The following NFIA variants were observed in gnomAD, a reference collection of about 807,000 sequenced individuals.
The protein encoded by NFIA is nuclear factor I A.
A neutral mutation model predicts 62.8 loss-of-function variants in NFIA; 8 were observed. That is an observed-to-expected ratio of 0.13 (90% CI 0.07 to 0.23). The LOEUF is 0.23. Among genes scored for constraint, NFIA ranks in the 10% least tolerant of loss-of-function variants. The pLI, the probability that NFIA is intolerant of heterozygous loss-of-function variation, is 1.00. For missense variants in NFIA, 410 were observed against 642.1 expected, an observed-to-expected ratio of 0.64 and a Z score of 3.91; for synonymous variants, 235 against 238.1, an observed-to-expected ratio of 0.99 and a Z score of 0.12.
At chr1:61,311,263 T>A (rs1660096459) in intron 3 of NFIA, among the ~76,000 whole-genome samples, 1 of 151,964 alleles carries the variant, frequency 6.6e-6, no homozygotes, top group Non-Finnish European at 1.5e-5. Flanking sequence ...TGGTGGCACA[T>A]GCCTATAGTC....
At chr1:61,113,773 G>T (rs1646749521) in intron 2 of NFIA, among the ~76,000 whole-genome samples, 1 of 152,054 alleles carries the variant, frequency 6.6e-6, no homozygotes, top group African/African-American at 2.4e-5. Context: ...TTGGAGAGCA[G>T]GTGAAAGGCG....
At chr1:61,084,139 C>T (rs372258707) in intron 1 of NFIA, among the ~76,000 whole-genome samples, 30 of 152,120 alleles carry the variant, frequency 2.0e-4, no homozygotes, top group African/African-American at 6.8e-4. Context: ...ATTCACCTCT[C>T]CCTTAAAAAA....
chr1:61,387,698 A>G (rs1037737353), intron 7 of NFIA, among the ~76,000 whole-genome samples: 12 of 152,162 alleles, frequency 7.9e-5, no homozygotes, highest in Admixed American at 1.3e-4. Context: ...ACATTTCACT[A>G]TCTTTGTTGT....
chr1:61,186,205 C>T (rs1651166712), intron 2 of NFIA, among the ~76,000 whole-genome samples: 1 of 152,170 alleles, frequency 6.6e-6, no homozygotes, highest in Non-Finnish European at 1.5e-5. Flanking sequence ...GAGCTGTGAG[C>T]CATCCGTCTG....
chr1:61,291,457 G>A (rs1322607847), intron 3 of NFIA, among the ~76,000 whole-genome samples: 1 of 152,060 alleles, frequency 6.6e-6, no homozygotes, highest in Non-Finnish European at 1.5e-5. Flanking sequence ...TTTTTTCTGT[G>A]CATTCATAAG....
chr1:61,290,795 T>C (rs530168810), intron 3 of NFIA, among the ~76,000 whole-genome samples: 163 of 152,312 alleles, frequency 1.1e-3, no homozygotes, highest in Non-Finnish European at 1.8e-3. Context: ...CAACTGGTGG[T>C]CCTTGAAGGG....
chr1:61,285,106 G>A lies in NFIA; in HGVS notation c.625+7521G>A, dbSNP rs547916814. Among the ~76,000 whole-genome samples, 11 of 152,294 alleles carry A rather than the reference G, an allele frequency of 7.2e-5. No homozygotes were observed. The South Asian group carries it at 2.3e-3, about 32-fold the overall frequency. ...GGAGCCGTCATCAAATCACAGTGCG[G>A]TAGAAGGTGCACCTGGTGTTTGGCT... On this transcript the variant is annotated intron_variant, in intron 3 of 10. Coordinates refer to ENST00000403491, the MANE Select transcript of NFIA (RefSeq NM_001134673.4).
intron 4 of NFIA, among the ~76,000 whole-genome samples, chr1:61,341,060 C>CTTT (rs35203949): frequency 0.014 from 1,499 of 108,744 alleles, 64 homozygotes; most frequent in African/African-American, 0.048. Flanking sequence ...TACCGGCATT[C>CTTT]TTTTTTTTTT....
chr1:61,429,545 G>A (rs1033391256), intron 10 of NFIA, among the ~76,000 whole-genome samples: 2 of 152,186 alleles, frequency 1.3e-5, no homozygotes, highest in African/African-American at 4.8e-5. Flanking sequence ...CCCTAAGACT[G>A]CATTAAAATA....
intron 2 of NFIA, among the ~76,000 whole-genome samples, chr1:61,229,929 C>G (rs1296683016): frequency 6.6e-6 from 1 of 152,094 alleles, no homozygotes; most frequent in Admixed American, 6.5e-5. Flanking sequence ...ATCATCTCCC[C>G]TAAGATCAGG....
intron 2 of NFIA, among the ~76,000 whole-genome samples, chr1:61,204,054 T>C (rs1652721930): frequency 1.3e-5 from 2 of 152,362 alleles, no homozygotes; most frequent in South Asian, 4.1e-4. Flanking sequence ...TCCGTTTCTG[T>C]AAATTCCGTG....
intron 10 of NFIA, among the ~76,000 whole-genome samples, chr1:61,432,869 G>A (rs557384244): frequency 7.9e-5 from 12 of 152,102 alleles, no homozygotes; most frequent in African/African-American, 2.9e-4. Context: ...TACAGCACCC[G>A]TGCATGCTAG....
At chr1:61,426,346 AG>A in intron 9 of NFIA, 118 bp from the exon 10 acceptor site, 1 of 694,566 alleles carries the variant, frequency 1.4e-6, no homozygotes, top group East Asian at 2.7e-5. Context: ...TGCTAGCTAC[AG>A]TGTTTGCACA....
chr1:61,177,369 G>C (rs1650450112), intron 2 of NFIA, among the ~76,000 whole-genome samples: 1 of 152,066 alleles, frequency 6.6e-6, no homozygotes, highest in African/African-American at 2.4e-5. Context: ...TATGCCTTCT[G>C]TACACATCTT....
intron 2 of NFIA, among the ~76,000 whole-genome samples, chr1:61,148,954 C>A (rs563102423): frequency 6.6e-6 from 1 of 152,238 alleles, no homozygotes; most frequent in South Asian, 2.1e-4. Context: ...CTCACTACAG[C>A]CTCGAACTCC....
chr1:61,122,608 A>G (rs1646905625), intron 2 of NFIA, among the ~76,000 whole-genome samples: 1 of 152,122 alleles, frequency 6.6e-6, no homozygotes, highest in Non-Finnish European at 1.5e-5. Context: ...GCAACTGGGG[A>G]GGGCCAAATT....
intron 2 of NFIA, among the ~76,000 whole-genome samples, chr1:61,223,860 C>T (rs892328761): frequency 6.6e-6 from 1 of 152,110 alleles, no homozygotes; most frequent in Admixed American, 6.5e-5. Context: ...ACTAAAACTT[C>T]ATCTCAGAAA....
intron 2 of NFIA, among the ~76,000 whole-genome samples, chr1:61,091,017 A>G (rs1646310686): frequency 6.6e-6 from 1 of 152,206 alleles, no homozygotes; most frequent in African/African-American, 2.4e-5. Flanking sequence ...ACACTAAACA[A>G]TGTTTTTACC....
intron 2 of NFIA, among the ~76,000 whole-genome samples, chr1:61,167,806 A>G (rs1475875762): frequency 5.9e-5 from 9 of 152,040 alleles, no homozygotes; most frequent in Admixed American, 5.9e-4. Context: ...CATTTTCTCT[A>G]CCACCAAGCT....
Sources: gnomAD v4.1 joint callset for allele counts (sites outside exome capture counted in the v4.1 genomes callset) on GRCh38, gnomAD v4.1.1 for gene constraint, MANE v1.5 for transcripts, NCBI Gene and HGNC (gene_info 2026-07-23, HGNC 2026-07-21) for gene names.